IHO1: variants seen among roughly 807,000 people sequenced by gnomAD.
IHO1 encodes interactor of HORMAD1 protein 1.
IHO1 carries 13 observed loss-of-function variants against 31.0 expected under a neutral mutation model. The observed-to-expected ratio is 0.42, with a 90% CI of 0.27 to 0.67. IHO1 has a LOEUF of 0.67. Ranked by LOEUF, IHO1 falls within the 30% of genes least tolerant of loss-of-function variation. IHO1 has a pLI of 0.24. For synonymous variants in IHO1, 221 were observed against 248.4 expected (o/e 0.89, Z 1.04); for missense variants, 599 against 687.5 (o/e 0.87, Z 1.44).
chr3:49,247,007 C>G (rs1375990057), intron 6 of IHO1, among the ~76,000 whole-genome samples: 3 of 151,854 alleles, frequency 2.0e-5, no homozygotes, highest in African/African-American at 7.3e-5. Flanking sequence ...TGCCACCATG[C>G]CTGGCTAATT....
chr3:49,237,125 G>A (rs138841294), intron 3 of IHO1, among the ~76,000 whole-genome samples: 7 of 151,864 alleles, frequency 4.6e-5, no homozygotes, highest in African/African-American at 1.2e-4. Context: ...CGAGGCAGGT[G>A]GATCACAAGG....
At chr3:49,235,346 C>A (rs956396290) in intron 2 of IHO1, among the ~76,000 whole-genome samples, 1 of 151,442 alleles carries the variant, frequency 6.6e-6, no homozygotes, top group African/African-American at 2.4e-5. Context: ...CCTGTCTCAG[C>A]CTCCCAAGTA....
chr3:49,221,284 G>T (rs544847524), intron 2 of IHO1, among the ~76,000 whole-genome samples: 1 of 151,752 alleles, frequency 6.6e-6, no homozygotes, highest in African/African-American at 2.4e-5. Flanking sequence ...GCTAGACACA[G>T]AGCACTGATT....
chr3:49,192,101 T>TTTG, the IHO1 span, among the ~76,000 whole-genome samples: 3 of 152,170 alleles, frequency 2.0e-5, no homozygotes, highest in Non-Finnish European at 4.4e-5. Flanking sequence ...TGCAGGCAAA[T>TTTG]CCTGCATTTA....
intron 2 of IHO1, chr3:49,228,364 T>C (rs2046440210): frequency 2.0e-5 from 9 of 447,714 alleles, no homozygotes; most frequent in South Asian, 1.4e-4. Context: ...AGCCCTTTCC[T>C]AGAAAGCCTG....
intron 3 of IHO1, among the ~76,000 whole-genome samples, chr3:49,238,628 G>A (rs2046588378): frequency 6.6e-6 from 1 of 152,164 alleles, no homozygotes; most frequent in African/African-American, 2.4e-5. Context: ...CATCATCCTA[G>A]CATAGCTCGT....
intron 1 of IHO1, among the ~76,000 whole-genome samples, chr3:49,210,756 C>T (rs549677403): frequency 1.6e-5 from 2 of 128,110 alleles, no homozygotes; most frequent in African/African-American, 6.2e-5. Context: ...GGAGTGCAGT[C>T]GTGTGACCTT....
intron 6 of IHO1, chr3:49,245,757 C>G (rs2107732669): frequency 6.6e-6 from 1 of 152,312 alleles, no homozygotes; most frequent in African/African-American, 2.4e-5. Context: ...GGGTGGACTG[C>G]TCATAATTTA....
At chr3:49,211,067 G>A (rs534038488) in intron 1 of IHO1, among the ~76,000 whole-genome samples, 1 of 148,840 alleles carries the variant, frequency 6.7e-6, no homozygotes, top group African/African-American at 2.5e-5. Context: ...GAGTGCAGTG[G>A]CGCGATCTCG....
In IHO1 at chr3:49,226,047, G is replaced by A. The variant is rs568355242; in HGVS notation, c.57-10501G>A. 2.3e-4 allele frequency among the ~76,000 whole-genome samples: 35 copies of A among 152,252 alleles called. 1 individual carries two copies. In the South Asian group the frequency reaches 5.6e-3, roughly 24 times the overall value. On this transcript the variant is annotated intron_variant, in intron 2 of 7. Coordinates refer to ENST00000452691, the MANE Select transcript of IHO1 (RefSeq NM_001135197.2). ...ATGGACATAAGTGAAGGGGCAGCTCGTTTCTCATTGGACACTCTTTTAAAG... is the reference window on the plus strand; with the variant it reads ...ATGGACATAAGTGAAGGGGCAGCTCATTTCTCATTGGACACTCTTTTAAAG...
rs747254593 is a variant in IHO1 at position 49,256,396 on chromosome 3, A to G, written c.899A>G (p.Gln300Arg). ...TSEKPVLWQA[Q>R]ALPAAWNPGM... ...GAGAAACCAGTTTTATGGCAGGCCCAGGCCCTCCCTGCTGCATGGAATCCT... is the reference window on the plus strand; with the variant it reads ...GAGAAACCAGTTTTATGGCAGGCCCGGGCCCTCCCTGCTGCATGGAATCCT... Residue 300 changes from glutamine to arginine, a missense_variant, in exon 8 of 8, where the codon CAG (glutamine) becomes CGG (arginine). By Grantham distance (43) the Gln-to-Arg change is conservative. Coordinates refer to ENST00000452691, the MANE Select transcript of IHO1 (RefSeq NM_001135197.2). This position sits in a 1 kb window ranked among gnomAD's most constrained non-coding sequence, Gnocchi z 4.6. 1 of 1,614,076 alleles carries G rather than the reference A, an allele frequency of 6.2e-7. No homozygotes were observed. The highest frequency in any genetic ancestry group is 2.2e-5 in the East Asian group (1 of 44,884).
At chr3:49,217,562 C>T (rs2046304431) in intron 2 of IHO1, among the ~76,000 whole-genome samples, 1 of 150,990 alleles carries the variant, frequency 6.6e-6, no homozygotes, top group African/African-American at 2.4e-5. Context: ...TTGATGGGTG[C>T]AGCAAACCAA....
chr3:49,194,297 T>A (rs1258792395), upstream of IHO1, among the ~76,000 whole-genome samples: 3 of 112,950 alleles, frequency 2.7e-5, no homozygotes, highest in African/African-American at 9.9e-5. Flanking sequence ...AAAGTGTATA[T>A]ATATATATAT....
At chr3:49,246,629 C>T (rs1412723217) in intron 6 of IHO1, among the ~76,000 whole-genome samples, 2 of 151,936 alleles carry the variant, frequency 1.3e-5, no homozygotes, top group Non-Finnish European at 2.9e-5. Context: ...GCCTGAACAA[C>T]AGAGTGAAAC....
the IHO1 span, chr3:49,191,642 G>A: frequency 2.3e-6 from 3 of 1,318,732 alleles, no homozygotes; most frequent in East Asian, 6.9e-5. Context: ...ATTCCAGGTT[G>A]GATGCCAAAT....
chr3:49,198,969 C>G (rs2107673353), upstream of IHO1: 1 of 152,758 alleles, frequency 6.5e-6, no homozygotes, highest in East Asian at 1.9e-4. Context: ...GCTCAGACCA[C>G]CCAAGTATCA....
intron 2 of IHO1, among the ~76,000 whole-genome samples, chr3:49,225,951 G>A (rs1158217610): frequency 6.6e-6 from 1 of 152,160 alleles, no homozygotes; most frequent in Non-Finnish European, 1.5e-5. Context: ...GGATCATCTG[G>A]TTGGGGGCTT....
At chr3:49,211,012 T>G (rs1231182818) in intron 1 of IHO1, among the ~76,000 whole-genome samples, 1 of 146,770 alleles carries the variant, frequency 6.8e-6, no homozygotes, top group East Asian at 2.0e-4. Flanking sequence ...TTTAGTTTTT[T>G]TTTTTTTTTT....
At chr3:49,227,485 C>G (rs1479640663) in intron 2 of IHO1, among the ~76,000 whole-genome samples, 3 of 152,178 alleles carry the variant, frequency 2.0e-5, no homozygotes, top group Admixed American at 6.5e-5. Context: ...ACCGACGCAG[C>G]AGCAGAAACA....
Sources: allele counts gnomAD v4.1 joint callset (sites outside exome capture counted in the v4.1 genomes callset), GRCh38; gene constraint gnomAD v4.1.1; non-coding constraint Gnocchi (gnomAD v3.1); transcripts MANE v1.5; gene names NCBI Gene and HGNC (gene_info 2026-07-23, HGNC 2026-07-21).